CADPS2: variants seen among roughly 807,000 people sequenced by gnomAD.
CADPS2 encodes the protein calcium dependent secretion activator 2, also known as calcium-dependent secretion activator 2.
Under a neutral mutation model 172.5 loss-of-function variants are expected in CADPS2, and 93 were observed. The observed-to-expected ratio is 0.54, with a 90% confidence interval of 0.46 to 0.64. The LOEUF (loss-of-function observed/expected upper bound fraction) is 0.64. Among genes scored for constraint, CADPS2 ranks in the 30% least tolerant of loss-of-function variants. CADPS2 has a pLI of 0.00. For synonymous variants in CADPS2, 546 were observed against 555.2 expected (o/e 0.98, Z 0.23); for missense variants, 1,420 against 1,565.9 (o/e 0.91, Z 1.57).
intron 2 of CADPS2, among the ~76,000 whole-genome samples, chr7:122,722,267 T>C (rs113223661): frequency 0.15 from 22,597 of 151,880 alleles, 1,691 homozygotes; most frequent in Non-Finnish European, 0.16. Context: ...TGTTTGCAGA[T>C]GACATGATTG....
intron 2 of CADPS2, chr7:122,676,785 C>G (rs550409828): frequency 2.2e-6 from 2 of 925,656 alleles, no homozygotes; most frequent in Admixed American, 4.4e-5. Context: ...TGAACCAAAC[C>G]ATCATTTCCA....
intron 14 of CADPS2, among the ~76,000 whole-genome samples, chr7:122,454,110 C>G (rs1240131214): frequency 2.0e-5 from 3 of 152,160 alleles, no homozygotes; most frequent in Non-Finnish European, 4.4e-5. Context: ...AACAGTTCCT[C>G]CTACAATAAT....
intron 1 of CADPS2, among the ~76,000 whole-genome samples, chr7:122,795,829 T>C (rs1454076419): frequency 1.3e-5 from 2 of 152,130 alleles, no homozygotes; most frequent in Non-Finnish European, 2.9e-5. Flanking sequence ...TCACCACTCC[T>C]ATTCAACACA....
At chr7:122,610,434 A>G (rs1379219822) in intron 6 of CADPS2, among the ~76,000 whole-genome samples, 1 of 77,902 alleles carries the variant, frequency 1.3e-5, no homozygotes, top group African/African-American at 3.8e-5. Context: ...ACGATAAGCA[A>G]AAAAAAAAAT....
At chr7:122,440,557 G>A (rs921560973) in intron 16 of CADPS2, among the ~76,000 whole-genome samples, 19 of 152,094 alleles carry the variant, frequency 1.2e-4, no homozygotes, top group African/African-American at 2.9e-4. Context: ...GTAATCCTAA[G>A]ATCTCATTTT....
chr7:122,360,951 A>T lies in CADPS2; in HGVS notation c.3450T>A (p.Phe1150Leu). Residue 1150 changes from phenylalanine to leucine, a missense_variant, in exon 26 of 30, where the codon TTT becomes TTA. Phe to Leu is a conservative substitution (Grantham distance 22). Transcript: ENST00000449022. ...TTACAGTGAATGACAGAATGGATGA[A>T]AAGAAAGTGCCTTCATCATACCTTG... ...KLSRYDEGTF[F>L]SSILSFTVKA... is the part of the protein sequence containing the mutation. 8 of 1,613,790 alleles carry T rather than the reference A, an allele frequency of 5.0e-6. No individual in the cohort carries two copies. The highest frequency in any genetic ancestry group is 6.8e-6 in the Non-Finnish European group (8 of 1,179,800).
At chr7:122,448,005 A>G (rs1219365612) in intron 15 of CADPS2, among the ~76,000 whole-genome samples, 1 of 152,146 alleles carries the variant, frequency 6.6e-6, no homozygotes, top group East Asian at 1.9e-4. Context: ...TTGCTGGTAT[A>G]GAATTCTAGG....
At chr7:122,547,333 A>T (rs1176967070) in intron 8 of CADPS2, among the ~76,000 whole-genome samples, 2 of 152,156 alleles carry the variant, frequency 1.3e-5, no homozygotes, top group East Asian at 3.9e-4. Context: ...TTTATAGTCA[A>T]ATTTAAATTT....
At position 122,441,429 on chromosome 7, in the gene CADPS2, G is replaced by T. The variant is rs569541287; in HGVS notation, c.2352+83C>A. 3.9e-5 allele frequency: 31 copies of T among 797,554 alleles called. 1 individual carries two copies. In the African/African-American group the frequency reaches 4.9e-4, roughly 13 times the overall value. The allele number at this position is 797,554 out of a possible 1,614,324, so 49.4% of individuals were successfully genotyped here. A position where few individuals can be genotyped will look rare whatever the true frequency, so the allele number is the denominator to read the frequency against. ...AATCAGTAGAGAGCATAGAATAACGGGGTCTGTCTCCCTAGTTCAATAACT... is the reference window on the plus strand; with the variant it reads ...AATCAGTAGAGAGCATAGAATAACGTGGTCTGTCTCCCTAGTTCAATAACT... On this transcript the variant is annotated intron_variant, in intron 16 of 29. Transcript: ENST00000449022.
chr7:122,531,833 C>T (rs1054020828), intron 8 of CADPS2, among the ~76,000 whole-genome samples: 3 of 152,124 alleles, frequency 2.0e-5, no homozygotes, highest in African/African-American at 7.2e-5. Context: ...GAGTTCAAGA[C>T]CAGCCTGGCC....
chr7:122,735,057 A>C (rs979022953), intron 2 of CADPS2, among the ~76,000 whole-genome samples: 1 of 152,140 alleles, frequency 6.6e-6, no homozygotes, highest in African/African-American at 2.4e-5. Flanking sequence ...AGCTTTCAAA[A>C]GCATGAATTC....
chr7:122,446,179 A>G (rs1039348717), intron 15 of CADPS2, among the ~76,000 whole-genome samples: 1 of 152,038 alleles, frequency 6.6e-6, no homozygotes, highest in Non-Finnish European at 1.5e-5. Flanking sequence ...TGGTTTACTA[A>G]TTCTATATTT....
chr7:122,874,927 C>T (rs926200872), intron 1 of CADPS2, among the ~76,000 whole-genome samples: 1 of 152,056 alleles, frequency 6.6e-6, no homozygotes, highest in African/African-American at 2.4e-5. Context: ...ACCATAAAAA[C>T]CCTAGAAGAA....
At chr7:122,569,107 G>A (rs889741720) in intron 7 of CADPS2, among the ~76,000 whole-genome samples, 6 of 152,242 alleles carry the variant, frequency 3.9e-5, no homozygotes, top group East Asian at 1.9e-4. Context: ...GTTTGCAGAC[G>A]ACATGATTGT....
intron 2 of CADPS2, among the ~76,000 whole-genome samples, chr7:122,668,519 T>C (rs1354739473): frequency 6.6e-6 from 1 of 151,612 alleles, no homozygotes; most frequent in Non-Finnish European, 1.5e-5. Context: ...GGTGTCAGAG[T>C]AGACTGCTAG....
At chr7:122,454,506 A>C (rs1302814733) in intron 14 of CADPS2, among the ~76,000 whole-genome samples, 2 of 152,218 alleles carry the variant, frequency 1.3e-5, no homozygotes, top group East Asian at 3.8e-4. Flanking sequence ...AAAAGCAATA[A>C]TGGAGTATTT....
At chr7:122,547,159 A>T (rs2063712619) in intron 8 of CADPS2, among the ~76,000 whole-genome samples, 1 of 151,920 alleles carries the variant, frequency 6.6e-6, no homozygotes, top group South Asian at 2.1e-4. Context: ...CCTGGGGTAT[A>T]CTCTACCCAC....
At chr7:122,597,400 T>C (rs190165913) in intron 6 of CADPS2, among the ~76,000 whole-genome samples, 6 of 152,244 alleles carry the variant, frequency 3.9e-5, no homozygotes, top group African/African-American at 1.4e-4. Flanking sequence ...ATGGTCTGAA[T>C]GTATGTGTCC....
In CADPS2 at chr7:122,686,463, T is replaced by C. The variant is rs1588419093; in HGVS notation, c.454-22894A>G. Among the ~76,000 whole-genome samples the C allele has an allele frequency of 2.6e-5, 4 of 152,286 alleles. No individual in the cohort carries two copies. The South Asian group carries it at 8.3e-4, about 32-fold the overall frequency. On this transcript the variant is annotated intron_variant, in intron 2 of 29. Coordinates refer to ENST00000449022, the MANE Select transcript of CADPS2 (RefSeq NM_017954.11). ...ATGAACTATCTGATCTAAGTGAGGTTCTTAAACTCGAGTACGCATTAGAAT... is the reference window on the plus strand; with the variant it reads ...ATGAACTATCTGATCTAAGTGAGGTCCTTAAACTCGAGTACGCATTAGAAT...
Sources: allele counts gnomAD v4.1 joint callset (sites outside exome capture counted in the v4.1 genomes callset), GRCh38; gene constraint gnomAD v4.1.1; transcripts MANE v1.5; gene names NCBI Gene and HGNC (gene_info 2026-07-23, HGNC 2026-07-21).